The following FABP12 variants were observed in gnomAD, a reference collection of about 807,000 sequenced individuals.
FABP12 encodes fatty acid binding protein 12.
FABP12 carries 19 observed loss-of-function variants against 13.7 expected under a neutral mutation model. The ratio of observed to expected loss-of-function variants is 1.39; its 90% confidence interval spans 0.97 to 2.04. FABP12 has a LOEUF of 2.04. FABP12 is among the 30% of genes most tolerant of loss of function. FABP12 has a pLI of 0.00. For missense variants in FABP12, 182 were observed against 164.2 expected (o/e 1.11, Z -0.59); for synonymous variants, 61 against 57.0 (o/e 1.07, Z -0.32).
At chr8:81,545,865 G>A (rs528505184) in intron 1 of FABP12, among the ~76,000 whole-genome samples, 8 of 152,208 alleles carry the variant, frequency 5.3e-5, no homozygotes, top group African/African-American at 7.2e-5. Context: ...TTCATGGGCC[G>A]AATCAATCCA....
At chr8:81,543,916 G>A (rs1266617287) in intron 1 of FABP12, among the ~76,000 whole-genome samples, 2 of 152,106 alleles carry the variant, frequency 1.3e-5, no homozygotes, top group Non-Finnish European at 2.9e-5. Flanking sequence ...GAAAGAGAGA[G>A]AGACAGAGAG....
intron 1 of FABP12, among the ~76,000 whole-genome samples, chr8:81,549,264 C>T (rs1261821941): frequency 6.6e-6 from 1 of 152,010 alleles, no homozygotes; most frequent in Non-Finnish European, 1.5e-5. Flanking sequence ...TGCACGTACA[C>T]ACCCTGGTTG....
intron 1 of FABP12, among the ~76,000 whole-genome samples, chr8:81,555,304 G>A (rs2130025832): frequency 6.6e-6 from 1 of 152,274 alleles, no homozygotes; most frequent in Middle Eastern, 3.4e-3. Context: ...TCGGATTGCT[G>A]ACATTTCTAT....
chr8:81,549,739 T>C (rs1418695570), intron 1 of FABP12, among the ~76,000 whole-genome samples: 1 of 152,200 alleles, frequency 6.6e-6, no homozygotes, highest in Non-Finnish European at 1.5e-5. Flanking sequence ...TTTTGTGAGA[T>C]GTTAAATCTG....
intron 2 of FABP12, among the ~76,000 whole-genome samples, chr8:81,539,151 C>A (rs1809287975): frequency 6.6e-6 from 1 of 151,996 alleles, no homozygotes; most frequent in Non-Finnish European, 1.5e-5. Context: ...GCCTGGCTAC[C>A]TTTATGTTTT....
intron 1 of FABP12, among the ~76,000 whole-genome samples, chr8:81,562,819 C>G (rs966101444): frequency 6.6e-6 from 1 of 152,204 alleles, no homozygotes; most frequent in African/African-American, 2.4e-5. Flanking sequence ...GATGGCATCT[C>G]TGGACCTGCA....
intron 4 of FABP12, among the ~76,000 whole-genome samples, chr8:81,525,463 C>T (rs1400833587): frequency 1.3e-5 from 2 of 151,174 alleles, no homozygotes; most frequent in Admixed American, 6.6e-5. Flanking sequence ...TTGCAGTGAG[C>T]CAAGATCACA....
At chr8:81,579,120 G>A (rs1376119575) in intron 1 of FABP12, among the ~76,000 whole-genome samples, 2 of 152,016 alleles carry the variant, frequency 1.3e-5, no homozygotes, top group African/African-American at 2.4e-5. Context: ...GAGCCACCGC[G>A]CCCAGCCTCA....
chr8:81,539,970 T>G (rs1809308442), intron 1 of FABP12, among the ~76,000 whole-genome samples: 1 of 152,196 alleles, frequency 6.6e-6, no homozygotes, highest in African/African-American at 2.4e-5. Context: ...CTGACTTGCA[T>G]TTGTAAAAAT....
intron 1 of FABP12, among the ~76,000 whole-genome samples, chr8:81,555,430 C>A (rs746017207): frequency 6.6e-6 from 1 of 152,088 alleles, no homozygotes; most frequent in Non-Finnish European, 1.5e-5. Flanking sequence ...TAATACCAGA[C>A]AAATGGTTCC....
exon 2 of FABP12, chr8:81,531,374 C>T (rs914720646): frequency 4.1e-6 from 5 of 1,211,830 alleles, no homozygotes; most frequent in Non-Finnish European, 5.9e-6. Context: ...CTGGTTTTCC[C>T]TGAAGTAGTA....
chr8:81,534,852 G>A (rs184547108), upstream of FABP12, among the ~76,000 whole-genome samples: 264 of 152,186 alleles, frequency 1.7e-3, 1 homozygote, highest in African/African-American at 5.9e-3. Flanking sequence ...GCTGAGGCAG[G>A]AGAATCACTT....
intron 2 of FABP12, among the ~76,000 whole-genome samples, chr8:81,530,511 C>A (rs541379334): frequency 1.3e-5 from 2 of 152,154 alleles, no homozygotes; most frequent in African/African-American, 2.4e-5. Context: ...TACTGCAATA[C>A]CTAAGTTAAA....
At chr8:81,558,279 T>C (rs994736992) in intron 1 of FABP12, among the ~76,000 whole-genome samples, 1 of 151,634 alleles carries the variant, frequency 6.6e-6, no homozygotes, top group Non-Finnish European at 1.5e-5. Context: ...CAGAGGGGAG[T>C]CTCTTCCATA....
intron 1 of FABP12, among the ~76,000 whole-genome samples, chr8:81,572,720 T>G (rs1809958339): frequency 6.6e-6 from 1 of 152,248 alleles, no homozygotes; most frequent in Non-Finnish European, 1.5e-5. Context: ...GAGCGTTTTT[T>G]CATATGTTTA....
At chr8:81,557,667 G>T (rs1809641922) in intron 1 of FABP12, among the ~76,000 whole-genome samples, 1 of 152,168 alleles carries the variant, frequency 6.6e-6, no homozygotes. Context: ...AAACTACAGG[G>T]AACTCCTAGC....
At chr8:81,570,801 A>C (rs1809915858) in intron 1 of FABP12, among the ~76,000 whole-genome samples, 1 of 151,936 alleles carries the variant, frequency 6.6e-6, no homozygotes, top group African/African-American at 2.4e-5. Flanking sequence ...AAAGGGGAGG[A>C]AGTGCGCACC....
intron 1 of FABP12, among the ~76,000 whole-genome samples, chr8:81,583,277 A>G (rs952198883): frequency 3.9e-5 from 6 of 152,130 alleles, no homozygotes; most frequent in East Asian, 1.9e-4. Flanking sequence ...TAAACAATCT[A>G]ACAATGCACC....
intron 1 of FABP12, among the ~76,000 whole-genome samples, chr8:81,568,097 T>G (rs1248622610): frequency 1.2e-3 from 175 of 143,238 alleles, no homozygotes; most frequent in African/African-American, 4.2e-3. Flanking sequence ...CAGTCCGCAG[T>G]CCCGCCTGGG....
Sources: gnomAD v4.1 joint callset for allele counts (sites outside exome capture counted in the v4.1 genomes callset) on GRCh38, gnomAD v4.1.1 for gene constraint, MANE v1.5 for transcripts, NCBI Gene and HGNC (gene_info 2026-07-23, HGNC 2026-07-21) for gene names.